The following FAM3B variants were observed in gnomAD, a reference collection of about 807,000 sequenced individuals.
The protein encoded by FAM3B is FAM3 metabolism regulating signaling molecule B.
In FAM3B, 29 loss-of-function variants were observed where a neutral mutation model predicts 28.4. That is an observed-to-expected ratio of 1.02 (90% CI 0.76 to 1.39). The LOEUF is 1.39. Among genes scored for constraint, FAM3B ranks in the 40% most tolerant of loss-of-function variants. The probability of loss-of-function intolerance (pLI) is 0.00; values close to 1 mark genes in which losing one functional copy is unlikely to be tolerated. For missense variants in FAM3B, 266 were observed against 293.9 expected, an observed-to-expected ratio of 0.91 and a Z score of 0.69; for synonymous variants, 91 against 103.0, an observed-to-expected ratio of 0.88 and a Z score of 0.71.
rs180854029 is a variant in FAM3B at position 41,351,155 on chromosome 21, G to A, written c.618+2431G>A. 3.9e-5 allele frequency among the ~76,000 whole-genome samples: 6 copies of A among 152,290 alleles called. 1 individual carries two copies. The highest frequency in any genetic ancestry group is 3.9e-4 in the East Asian group (2 of 5,184). On this transcript the variant is annotated intron_variant, in intron 7 of 7. Transcript: ENST00000357985. ...CAGGTTCTTCATTAATGTTTAAGTC[G>A]TAGAAAACAAAAACCTCATTGGAAT...
At position 41,318,612 on chromosome 21, in the gene FAM3B, C is replaced by T. The variant is rs535988518; in HGVS notation, c.19+1714C>T. On this transcript the variant is annotated intron_variant, in intron 1 of 7. Transcript: ENST00000357985. ...CAGTGAGTCCCAAAATACTGACCATCCACCCTCATCTCTCCTGGCCTCTCA... is the reference window on the plus strand; with the variant it reads ...CAGTGAGTCCCAAAATACTGACCATTCACCCTCATCTCTCCTGGCCTCTCA... Among the ~76,000 whole-genome samples the T allele has an allele frequency of 6.6e-5, 10 of 152,322 alleles. No homozygotes were observed. The South Asian group carries it at 2.1e-3, about 32-fold the overall frequency.
At position 41,341,163 on chromosome 21, in the gene FAM3B, T is replaced by C. The variant is rs375910612; in HGVS notation, c.287+2662T>C. Among the ~76,000 whole-genome samples, 195 of 152,372 alleles carry C rather than the reference T, an allele frequency of 1.3e-3. 4 individuals carry two copies. In the South Asian group the frequency reaches 0.039, roughly 31 times the overall value. ...AACAGTTAATAGAGATTACTCCATA[T>C]CAGTACATCAGGCTTTTCCTCATTT... On this transcript the variant is annotated intron_variant, in intron 3 of 7. Transcript: ENST00000357985.
intron 1 of FAM3B, among the ~76,000 whole-genome samples, chr21:41,317,829 AC>A (rs895659733): frequency 7.1e-4 from 108 of 152,238 alleles, no homozygotes; most frequent in Admixed American, 1.9e-3. Context: ...TCTTTTCTGC[AC>A]CATTCCCAAA....
At chr21:41,317,337 A>AG (rs1216739315) in intron 1 of FAM3B, among the ~76,000 whole-genome samples, 1 of 143,892 alleles carries the variant, frequency 6.9e-6, no homozygotes, top group East Asian at 2.2e-4. Flanking sequence ...CACGCCAGGG[A>AG]GGGGCTGGCC....
intron 2 of FAM3B, among the ~76,000 whole-genome samples, chr21:41,329,397 C>T (rs377729732): frequency 3.2e-4 from 48 of 152,300 alleles, no homozygotes; most frequent in African/African-American, 1.2e-3. Flanking sequence ...CTGTGCTGCA[C>T]GCACTCCCTG....
At chr21:41,347,210 C>A (rs11701669) in intron 6 of FAM3B, 110 bp downstream of exon 6, 95,457 of 847,164 alleles carry the variant, frequency 0.11, 5,747 homozygotes, top group Admixed American at 0.15. Flanking sequence ...AGTCCAGGAG[C>A]AAAGTACTTC....
At chr21:41,307,337 C>T (rs970664122) in intron 1 of FAM3B, among the ~76,000 whole-genome samples, 10 of 152,236 alleles carry the variant, frequency 6.6e-5, no homozygotes, top group African/African-American at 2.4e-4. Context: ...CTGGATTAGG[C>T]TTTGGCTTGA....
intron 7 of FAM3B, among the ~76,000 whole-genome samples, chr21:41,350,373 G>C (rs1487258819): frequency 1.3e-5 from 2 of 152,238 alleles, no homozygotes; most frequent in Non-Finnish European, 2.9e-5. Context: ...GTCTTGGAAA[G>C]TTATCTAACC....
rs774827145 is a variant in FAM3B, at chr21:41,347,024, C to T, written c.409C>T (p.Pro137Ser). Residue 137 changes from proline to serine, a missense_variant, in exon 6 of 8, where the codon CCG (proline) becomes TCG (serine). Pro to Ser is a moderately conservative substitution (Grantham distance 74). Transcript: ENST00000357985. ...FDMYEGDNSG[P>S]MTKFIQSAAP... ...GCATCCCCCAATAGATAACTCTGGA[C>T]CGATGACAAAGTTTATTCAGAGTGC... 6.8e-6 allele frequency: 11 copies of T among 1,613,988 alleles called. No individual in the cohort carries two copies. Among genetic ancestry groups the T allele is most frequent in the Non-Finnish European group, 9.3e-6 (11 of 1,179,994 alleles).
chr21:41,338,432 C>T lies in FAM3B; in HGVS notation c.218C>T (p.Thr73Ile), dbSNP rs956801784. Residue 73 changes from threonine (T) to isoleucine (I), a missense_variant, in exon 3 of 8, where the codon ACC becomes ATC. By Grantham distance (89) the Thr-to-Ile change is moderately conservative. Transcript: ENST00000357985. ...CDHWTPCPSD[T>I]YAYRLLSGGG... ...CACTGGACTCCCTGCCCATCTGACA[C>T]CTATGCCTACAGGTTACTCAGCGGA... The T allele has an allele frequency of 2.7e-5, 44 of 1,614,166 alleles. 1 individual carries two copies. The Admixed American group carries it at 6.7e-4, about 24-fold the overall frequency.
At chr21:41,304,661 C>G (rs1323611066) in intron 1 of FAM3B, among the ~76,000 whole-genome samples, 1 of 152,170 alleles carries the variant, frequency 6.6e-6, no homozygotes, top group Non-Finnish European at 1.5e-5. Context: ...CTCAGGAGCC[C>G]CCGACCCCAC....
intron 7 of FAM3B, among the ~76,000 whole-genome samples, chr21:41,356,729 G>C (rs2089171110): frequency 6.6e-6 from 1 of 152,120 alleles, no homozygotes; most frequent in African/African-American, 2.4e-5. Context: ...GAAGAAAGAA[G>C]ACATAGTGTT....
intron 3 of FAM3B, among the ~76,000 whole-genome samples, 182 bp downstream of exon 3, chr21:41,338,683 T>G (rs1293036790): frequency 6.6e-6 from 1 of 152,244 alleles, no homozygotes; most frequent in East Asian, 1.9e-4. Context: ...GGGAAGGAGC[T>G]GATTGTCTCT....
intron 7 of FAM3B, among the ~76,000 whole-genome samples, chr21:41,351,379 A>G (rs2089119252): frequency 6.6e-6 from 1 of 152,198 alleles, no homozygotes; most frequent in African/African-American, 2.4e-5. Context: ...AAAGTTATCC[A>G]AGTTACTACA....
intron 3 of FAM3B, among the ~76,000 whole-genome samples, chr21:41,338,869 G>A (rs889308180): frequency 4.6e-5 from 7 of 152,222 alleles, no homozygotes; most frequent in Non-Finnish European, 8.8e-5. Flanking sequence ...TGTGGGGCAC[G>A]TGGGGGCATG....
intron 2 of FAM3B, among the ~76,000 whole-genome samples, chr21:41,331,554 A>G (rs1413313774): frequency 6.6e-6 from 1 of 151,932 alleles, no homozygotes; most frequent in Non-Finnish European, 1.5e-5. Context: ...TTATCTAGTA[A>G]TTTCATGGTT....
At chr21:41,351,404 A>G (rs1041865041) in intron 7 of FAM3B, among the ~76,000 whole-genome samples, 1 of 152,212 alleles carries the variant, frequency 6.6e-6, no homozygotes, top group Non-Finnish European at 1.5e-5. Flanking sequence ...TATAAAGACG[A>G]GACCTAAACA....
In FAM3B at chr21:41,316,857, A is replaced by T; in HGVS notation, c.-23A>T. 1 of 1,434,618 alleles carries T rather than the reference A, an allele frequency of 7.0e-7. No individual in the cohort carries two copies. The highest frequency in any genetic ancestry group is 1.5e-5 in the African/African-American group (1 of 67,920). The allele number at this position is 1,434,618 out of a possible 1,614,324, so 88.9% of individuals were successfully genotyped here. A position where few individuals can be genotyped will look rare whatever the true frequency, so the allele number is the denominator to read the frequency against. ...TCGCCTGGGAGCTGCCGCCAGGGCCAGGAGGGGAGCGGCACCTGGAAGATG... is the reference window on the plus strand; with the variant it reads ...TCGCCTGGGAGCTGCCGCCAGGGCCTGGAGGGGAGCGGCACCTGGAAGATG... On this transcript the variant is annotated 5_prime_UTR_variant, in exon 1 of 8. Transcript: ENST00000357985.
At position 41,322,977 on chromosome 21, in the gene FAM3B, G is replaced by C. The variant is rs564190600; in HGVS notation, c.74G>C (p.Gly25Ala). Residue 25 changes from glycine (G) to alanine (A), a missense_variant, in exon 2 of 8, where the codon GGG becomes GCG. Gly to Ala is a moderately conservative substitution (Grantham distance 60, BLOSUM62 0). Transcript: ENST00000357985. ...VFASLCAWYS[G>A]YLLAELIPDA... ...GCCTCCTTGTGTGCCTGGTATTCGG[G>C]GTACCTGCTCGCAGAGCTCATTCCA... 1 of 1,612,698 alleles carries C rather than the reference G, an allele frequency of 6.2e-7. No homozygotes were observed. The highest frequency in any genetic ancestry group is 1.3e-5 in the African/African-American group (1 of 75,068).
Sources: gnomAD v4.1 joint callset for allele counts (sites outside exome capture counted in the v4.1 genomes callset) on GRCh38, gnomAD v4.1.1 for gene constraint, MANE v1.5 for transcripts, NCBI Gene and HGNC (gene_info 2026-07-23, HGNC 2026-07-21) for gene names.